VDR: variants seen among roughly 807,000 people sequenced by gnomAD.
VDR encodes the protein vitamin D3 receptor.
A neutral mutation model predicts 39.7 loss-of-function variants in VDR; 19 were observed. The ratio of observed to expected loss-of-function variants is 0.48; its 90% CI spans 0.33 to 0.70. VDR has a LOEUF of 0.70. Among genes scored for constraint, VDR ranks in the 30% least tolerant of loss-of-function variants. The pLI, the probability that VDR is intolerant of heterozygous loss-of-function variation, is 0.02. For synonymous variants in VDR, 242 were observed against 215.8 expected, an observed-to-expected ratio of 1.12 and a Z score of -1.07; for missense variants, 442 against 570.5, an observed-to-expected ratio of 0.77 and a Z score of 2.29.
At chr12:47,892,317 G>A (rs1946386179) in intron 1 of VDR, among the ~76,000 whole-genome samples, 1 of 152,232 alleles carries the variant, frequency 6.6e-6, no homozygotes, top group Admixed American at 6.5e-5. Context: ...TGTTCATGCA[G>A]CTTCTCAGGA....
intron 1 of VDR, among the ~76,000 whole-genome samples, chr12:47,889,183 C>T (rs1946315799): frequency 6.6e-6 from 1 of 151,786 alleles, no homozygotes; most frequent in African/African-American, 2.4e-5. Flanking sequence ...CTGAGGTAAT[C>T]AGAGAGGAAG....
chr12:47,879,049 C>A lies in VDR; in HGVS notation c.65G>T (p.Arg22Leu), dbSNP rs201676749. Reference protein sequence around the residue: ...DPGDFDRNVPRICGVCGDRAT... With the variant: ...DPGDFDRNVPLICGVCGDRAT... ...TCGGTCTCCACACACCCCACAGATC[C>A]GGGGCACGTTCCGGTCAAAGTCTCC... Residue 22 changes from arginine to leucine, a missense_variant, in exon 3 of 10, where the codon CGG (arginine) becomes CTG (leucine). This residue lies in a region of VDR where 141 missense variants were observed against 141.3 expected (regional missense o/e 1.00). Coordinates refer to ENST00000549336, the MANE Select transcript of VDR (RefSeq NM_000376.3). The A allele has an allele frequency of 6.2e-7, 1 of 1,614,158 alleles. No individual in the cohort carries two copies. Among genetic ancestry groups the A allele is most frequent in the African/African-American group, 1.3e-5 (1 of 75,046 alleles).
intron 3 of VDR, among the ~76,000 whole-genome samples, chr12:47,878,371 G>T (rs562879214): frequency 5.1e-4 from 77 of 152,292 alleles, no homozygotes; most frequent in Middle Eastern, 3.4e-3. Context: ...CTCATGTAAG[G>T]GGAGTGTGTT....
At chr12:47,865,405 T>C (rs1945710017) in intron 3 of VDR, among the ~76,000 whole-genome samples, 1 of 152,194 alleles carries the variant, frequency 6.6e-6, no homozygotes, top group Non-Finnish European at 1.5e-5. Context: ...TTACCTTTTT[T>C]CTTTTAATTT....
intron 3 of VDR, among the ~76,000 whole-genome samples, chr12:47,871,083 T>C (rs1375879638): frequency 2.0e-5 from 3 of 152,180 alleles, no homozygotes; most frequent in East Asian, 1.9e-4. Context: ...GCACAGACTT[T>C]TTTTTTTGGA....
chr12:47,878,089 C>T (rs1212519882), intron 3 of VDR, among the ~76,000 whole-genome samples: 1 of 152,214 alleles, frequency 6.6e-6, no homozygotes, highest in Non-Finnish European at 1.5e-5. Context: ...AAGCCGACCT[C>T]AGCATCCTCC....
chr12:47,879,182 G>GTGCCACCC, intron 2 of VDR, 67 bp from the exon 3 acceptor site: 1 of 1,569,354 alleles, frequency 6.4e-7, no homozygotes, highest in Non-Finnish European at 8.6e-7. Context: ...GGCATCCTTG[G>GTGCCACCC]TGCCACCCAC....
At position 47,879,677 on chromosome 12, in the gene VDR, G is replaced by A. The variant is rs551002192; in HGVS notation, c.-2-562C>T. 3.9e-5 allele frequency among the ~76,000 whole-genome samples: 6 copies of A among 152,246 alleles called. No homozygotes were observed. In the South Asian group the frequency reaches 1.0e-3, roughly 26 times the overall value. ...AGGTGCCCTGGTCATTCCAGCCCCA[G>A]CTCCTCACAACCATAAAGCTCAGGG... On this transcript the variant is annotated intron_variant, in intron 2 of 9. Coordinates refer to ENST00000549336, the MANE Select transcript of VDR (RefSeq NM_000376.3).
intron 1 of VDR, among the ~76,000 whole-genome samples, chr12:47,897,697 C>T (rs955620501): frequency 6.6e-6 from 1 of 152,194 alleles, no homozygotes; most frequent in African/African-American, 2.4e-5. Context: ...AGGCATTTGG[C>T]TCCTTTCCCC....
chr12:47,871,591 G>A (rs1374317175), intron 3 of VDR, among the ~76,000 whole-genome samples: 3 of 151,540 alleles, frequency 2.0e-5, no homozygotes, highest in Admixed American at 6.6e-5. Flanking sequence ...AGCCTCCCGA[G>A]TAGCTGGAAT....
intron 7 of VDR, among the ~76,000 whole-genome samples, 157 bp from the exon 8 acceptor site, chr12:47,846,965 G>C (rs571457762): frequency 6.6e-4 from 100 of 152,302 alleles, no homozygotes; most frequent in African/African-American, 2.2e-3. Context: ...AGGGACAAGA[G>C]TGTTCCTTGA....
At chr12:47,873,081 C>T (rs547361314) in intron 3 of VDR, among the ~76,000 whole-genome samples, 1 of 152,314 alleles carries the variant, frequency 6.6e-6, no homozygotes, top group Admixed American at 6.5e-5. Context: ...AATCCCATCT[C>T]GAATTGTAAT....
intron 7 of VDR, among the ~76,000 whole-genome samples, chr12:47,849,391 G>A (rs532425690): frequency 6.6e-6 from 1 of 152,288 alleles, no homozygotes; most frequent in East Asian, 1.9e-4. Context: ...TAGGGTCAGG[G>A]AGCTCAGGGC....
intron 3 of VDR, among the ~76,000 whole-genome samples, chr12:47,878,017 G>A (rs11574056): frequency 1.3e-3 from 193 of 152,234 alleles, no homozygotes; most frequent in African/African-American, 4.3e-3. Flanking sequence ...CCACACAAGC[G>A]CCTGGACTTG....
intron 1 of VDR, among the ~76,000 whole-genome samples, chr12:47,885,542 T>C (rs1292915923): frequency 2.6e-5 from 4 of 152,190 alleles, no homozygotes. Context: ...CCCTCATGGC[T>C]CAGTTTAACT....
chr12:47,876,436 A>C (rs1048546207), intron 3 of VDR, among the ~76,000 whole-genome samples: 1 of 152,176 alleles, frequency 6.6e-6, no homozygotes, highest in Non-Finnish European at 1.5e-5. Flanking sequence ...GTAGCAGCCT[A>C]GCTTAGTCAT....
intron 7 of VDR, among the ~76,000 whole-genome samples, chr12:47,853,197 C>G (rs1287953811): frequency 6.6e-6 from 1 of 152,166 alleles, no homozygotes; most frequent in African/African-American, 2.4e-5. Flanking sequence ...AATCCCAGCA[C>G]TTTGGGAGGC....
intron 7 of VDR, among the ~76,000 whole-genome samples, chr12:47,847,477 C>G (rs796197522): frequency 2.6e-5 from 4 of 152,270 alleles, no homozygotes; most frequent in African/African-American, 9.6e-5. Flanking sequence ...TGGCTCCAAC[C>G]TCTCATTCCA....
intron 1 of VDR, among the ~76,000 whole-genome samples, chr12:47,897,513 C>T (rs1182353368): frequency 6.6e-6 from 1 of 152,202 alleles, no homozygotes; most frequent in East Asian, 1.9e-4. Context: ...AAGTTGAGAG[C>T]TGAGGTGGCC....
Sources: allele counts gnomAD v4.1 joint callset (sites outside exome capture counted in the v4.1 genomes callset), GRCh38; gene constraint gnomAD v4.1.1; regional missense constraint gnomAD v4.1.1; transcripts MANE v1.5; gene names NCBI Gene and HGNC (gene_info 2026-07-23, HGNC 2026-07-21).